Variants in HS3ST3A1 observed in about 807,000 individuals in gnomAD.
HS3ST3A1 encodes heparan sulfate glucosamine 3-O-sulfotransferase 3A1.
In HS3ST3A1, 19 loss-of-function variants were observed where a neutral mutation model predicts 25.7. That is an observed-to-expected ratio of 0.74 (90% CI 0.52 to 1.08). The LOEUF is 1.08. HS3ST3A1 is among the 50% of genes least tolerant of loss of function. HS3ST3A1 has a pLI of 0.00. For missense variants in HS3ST3A1, 459 were observed against 594.3 expected, an observed-to-expected ratio of 0.77 and a Z score of 2.37; for synonymous variants, 226 against 278.6, an observed-to-expected ratio of 0.81 and a Z score of 1.88.
chr17:13,548,952 G>A (rs9889319), intron 1 of HS3ST3A1, among the ~76,000 whole-genome samples: 66,384 of 151,780 alleles, frequency 0.44, 16,064 homozygotes, highest in African/African-American at 0.66. Context: ...GCAGGACATG[G>A]GCAGAGCCAA....
chr17:13,566,526 T>C (rs1907679264), intron 1 of HS3ST3A1, among the ~76,000 whole-genome samples: 1 of 152,180 alleles, frequency 6.6e-6, no homozygotes, highest in African/African-American at 2.4e-5. Flanking sequence ...ATGATTAAAC[T>C]TAGTGAGGAA....
rs1393307267 is a variant in HS3ST3A1 at position 13,496,291 on chromosome 17, T to C, written c.1127A>G (p.Asp376Gly). 1.3e-6 allele frequency: 2 copies of C among 1,551,012 alleles called. No individual in the cohort carries two copies. Among genetic ancestry groups the C allele is most frequent in the Non-Finnish European group, 1.7e-6 (2 of 1,152,396 alleles). ...KTKGRTHPEI[D>G]REVVRRLREF... is the part of the protein sequence containing the mutation. ...GCGCAGCCTGCGCACCACCTCGCGG[T>C]CGATCTCAGGATGGGTCCTGCCCTT... Residue 376 changes from aspartate to glycine, a missense_variant, in exon 2 of 2, where the codon GAC (aspartate) becomes GGC (glycine). Physicochemically the swap from Asp to Gly is moderately conservative, Grantham distance 94. This residue lies in a region of HS3ST3A1 where 46 missense variants were observed against 59.0 expected (regional missense o/e 0.78). Coordinates refer to ENST00000284110, the MANE Select transcript of HS3ST3A1 (RefSeq NM_006042.3).
chr17:13,579,222 G>T (rs147318044), intron 1 of HS3ST3A1, among the ~76,000 whole-genome samples: 1 of 152,210 alleles, frequency 6.6e-6, no homozygotes, highest in African/African-American at 2.4e-5. Context: ...ACGTCGATTT[G>T]GCAGTATGTA....
At chr17:13,555,184 G>A (rs546521533) in intron 1 of HS3ST3A1, among the ~76,000 whole-genome samples, 4 of 152,160 alleles carry the variant, frequency 2.6e-5, no homozygotes, top group South Asian at 2.1e-4. Flanking sequence ...TATGCCTCCC[G>A]CTGGGTGGGC....
intron 1 of HS3ST3A1, among the ~76,000 whole-genome samples, chr17:13,533,626 CG>C (rs1906681385): frequency 6.6e-6 from 1 of 151,838 alleles, no homozygotes; most frequent in East Asian, 1.9e-4. Flanking sequence ...GATTGCATCA[CG>C]ATAGAAAGAT....
chr17:13,510,722 T>A (rs1016426437), intron 1 of HS3ST3A1, among the ~76,000 whole-genome samples: 6 of 151,860 alleles, frequency 4.0e-5, no homozygotes, highest in Admixed American at 2.0e-4. Flanking sequence ...TTTTTTTTTT[T>A]TATACGAAGT....
chr17:13,512,928 A>G (rs1905925283), intron 1 of HS3ST3A1, among the ~76,000 whole-genome samples: 1 of 152,224 alleles, frequency 6.6e-6, no homozygotes, highest in African/African-American at 2.4e-5. Flanking sequence ...ACATAGAAAA[A>G]TAATAGATTT....
At chr17:13,543,706 A>C (rs12051738) in intron 1 of HS3ST3A1, 3,555 of 155,460 alleles carry the variant, frequency 0.023, 90 homozygotes, top group South Asian at 0.068. Flanking sequence ...TTAAAAAATA[A>C]GGAATTTGTC....
chr17:13,576,284 C>A (rs1056329632), intron 1 of HS3ST3A1, among the ~76,000 whole-genome samples: 5 of 152,232 alleles, frequency 3.3e-5, no homozygotes, highest in African/African-American at 1.2e-4. Context: ...CGATCACAGT[C>A]ATCAGCTGGA....
At chr17:13,541,752 C>T (rs1262544472) in intron 1 of HS3ST3A1, among the ~76,000 whole-genome samples, 1 of 152,126 alleles carries the variant, frequency 6.6e-6, no homozygotes, top group Admixed American at 6.5e-5. Flanking sequence ...TTGGCAGTTT[C>T]CATAGCATTC....
In HS3ST3A1 at chr17:13,496,238, A is replaced by G; in HGVS notation, c.1180T>C (p.Phe394Leu). Residue 394 changes from phenylalanine (F) to leucine (L), a missense_variant, in exon 2 of 2, where the codon TTC (phenylalanine) becomes CTC (leucine). By Grantham distance (22) the Phe-to-Leu change is conservative (BLOSUM62 0). This residue lies in a region of HS3ST3A1 where 46 missense variants were observed against 59.0 expected (regional missense o/e 0.78). Transcript: ENST00000284110. The stretch of plus-strand genomic sequence containing the variant: ...AAGTCGTGCCCGGTCATCTGGTAGA[A>G]CTTGAGGTTGAAAGGCCGGTAGAAC... ...REFYRPFNLKFYQMTGHDFGW... is the reference protein window; with the variant it reads ...REFYRPFNLKLYQMTGHDFGW... 1 of 1,600,356 alleles carries G rather than the reference A, an allele frequency of 6.2e-7. No homozygotes were observed. The highest frequency in any genetic ancestry group is 8.5e-7 in the Non-Finnish European group (1 of 1,173,922).
chr17:13,500,408 C>T (rs539443181), intron 1 of HS3ST3A1, among the ~76,000 whole-genome samples: 4 of 152,198 alleles, frequency 2.6e-5, no homozygotes, highest in East Asian at 1.9e-4. Flanking sequence ...AACTGGGGCC[C>T]GGGATGGGTA....
intron 1 of HS3ST3A1, among the ~76,000 whole-genome samples, chr17:13,552,507 G>T (rs937070066): frequency 3.3e-5 from 5 of 152,138 alleles, no homozygotes; most frequent in Non-Finnish European, 5.9e-5. Flanking sequence ...CATTCTCAAG[G>T]GCAACGTCAA....
chr17:13,546,278 C>CT (rs1462667445), intron 1 of HS3ST3A1, among the ~76,000 whole-genome samples: 10 of 151,924 alleles, frequency 6.6e-5, no homozygotes, highest in African/African-American at 9.7e-5. Context: ...TTCTTTCTTT[C>CT]TTTTTTTTGA....
At chr17:13,540,690 C>T (rs1376751252) in intron 1 of HS3ST3A1, among the ~76,000 whole-genome samples, 2 of 152,212 alleles carry the variant, frequency 1.3e-5, no homozygotes, top group Non-Finnish European at 2.9e-5. Flanking sequence ...TTTGCTCACA[C>T]ATTTCTGTGG....
intron 1 of HS3ST3A1, among the ~76,000 whole-genome samples, chr17:13,517,523 A>C (rs1479735477): frequency 2.0e-5 from 3 of 152,230 alleles, no homozygotes; most frequent in Non-Finnish European, 2.9e-5. Flanking sequence ...TGAAGAAAAG[A>C]ATGATGATAA....
In HS3ST3A1 at chr17:13,600,728, G is replaced by C. The variant is rs1229954313; in HGVS notation, c.402C>G (p.Ala134=). 6 of 1,543,066 alleles carry C rather than the reference G, an allele frequency of 3.9e-6. No individual in the cohort carries two copies. In the African/African-American group the frequency reaches 5.6e-5, roughly 14 times the overall value. ...GCGCCAGGGTCCCCGGCGGGGCCTC[G>C]GCCACGGTGCTTCCGGCCCCGGAGC... ...PGGSGAGSTV[A]EAPPGTLALL... The change falls in exon 1 of 2, where the codon GCC becomes GCG. Residue 134 remains alanine, a synonymous_variant. Coordinates refer to ENST00000284110, the MANE Select transcript of HS3ST3A1 (RefSeq NM_006042.3).
At chr17:13,570,811 A>C (rs1204809889) in intron 1 of HS3ST3A1, among the ~76,000 whole-genome samples, 1 of 152,068 alleles carries the variant, frequency 6.6e-6, no homozygotes, top group East Asian at 1.9e-4. Flanking sequence ...ATATCCATGT[A>C]TTTTTCACAT....
At chr17:13,589,490 C>G (rs1908362370) in intron 1 of HS3ST3A1, among the ~76,000 whole-genome samples, 1 of 152,162 alleles carries the variant, frequency 6.6e-6, no homozygotes, top group South Asian at 2.1e-4. Flanking sequence ...TTGGGGAAAG[C>G]CCTTTTGAAC....
Sources: gnomAD v4.1 joint callset for allele counts (sites outside exome capture counted in the v4.1 genomes callset) on GRCh38, gnomAD v4.1.1 for gene constraint, gnomAD v4.1.1 regional missense constraint, MANE v1.5 for transcripts, NCBI Gene and HGNC (gene_info 2026-07-23, HGNC 2026-07-21) for gene names.